WAC: variants seen among roughly 807,000 people sequenced by gnomAD.
WAC encodes the protein WW domain containing adaptor with coiled-coil.
Under a neutral mutation model 79.6 loss-of-function variants are expected in WAC, and 11 were observed. The observed-to-expected ratio is 0.14, with a 90% CI of 0.09 to 0.23. The LOEUF (loss-of-function observed/expected upper bound fraction) is 0.23. Among genes scored for constraint, WAC ranks in the 10% least tolerant of loss-of-function variants. WAC has a pLI of 1.00. For synonymous variants in WAC, 304 were observed against 276.9 expected, an observed-to-expected ratio of 1.10 and a Z score of -0.97; for missense variants, 728 against 773.5, an observed-to-expected ratio of 0.94 and a Z score of 0.70.
intron 3 of WAC, among the ~76,000 whole-genome samples, chr10:28,553,891 C>T (rs1837840837): frequency 6.6e-6 from 1 of 152,030 alleles, no homozygotes; most frequent in Non-Finnish European, 1.5e-5. Flanking sequence ...TCTTTTGAGG[C>T]AGAGTCTTGC....
intron 7 of WAC, among the ~76,000 whole-genome samples, chr10:28,607,858 A>C (rs1172532684): frequency 1.3e-5 from 2 of 152,214 alleles, no homozygotes; most frequent in Admixed American, 1.3e-4. Flanking sequence ...ATGTGTGGTT[A>C]ATAAATAATT....
At chr10:28,541,798 A>G (rs1447862445) in intron 3 of WAC, among the ~76,000 whole-genome samples, 1 of 152,078 alleles carries the variant, frequency 6.6e-6, no homozygotes, top group African/African-American at 2.4e-5. Flanking sequence ...AGTATAACTA[A>G]TTCTCACTAT....
intron 3 of WAC, among the ~76,000 whole-genome samples, chr10:28,579,335 A>T (rs1839412348): frequency 1.3e-5 from 2 of 152,250 alleles, no homozygotes; most frequent in Middle Eastern, 3.4e-3. Flanking sequence ...AATGCTGTTT[A>T]TACAGTAAAA....
rs768495870 is a variant in WAC at position 28,614,722 on chromosome 10, A to AT, written c.1556+40dup. On this transcript the variant is annotated intron_variant, in intron 11 of 13. Coordinates refer to ENST00000354911, the MANE Select transcript of WAC (RefSeq NM_016628.5). Reference sequence around the variant, plus strand: ...TTGTATATTGAGACCACATTGTTTTATTTAATGATGGTACACTGCATTGTT... The same window carrying AT: ...TTGTATATTGAGACCACATTGTTTTATTTTAATGATGGTACACTGCATTGTT... 40 of 1,477,278 alleles carry AT rather than the reference A, an allele frequency of 2.7e-5. No homozygotes were observed. The East Asian group carries it at 9.1e-4, about 33-fold the overall frequency. 91.5% of individuals were successfully genotyped at this position (1,477,278 alleles called of 1,614,324 possible).
intron 3 of WAC, among the ~76,000 whole-genome samples, chr10:28,536,787 C>T (rs928882126): frequency 2.0e-5 from 3 of 152,278 alleles, no homozygotes; most frequent in Non-Finnish European, 2.9e-5. Flanking sequence ...CAAAAGCATG[C>T]ATTAAGGAAC....
chr10:28,602,069 C>T (rs1840672908), intron 7 of WAC, among the ~76,000 whole-genome samples: 1 of 152,140 alleles, frequency 6.6e-6, no homozygotes, highest in South Asian at 2.1e-4. Context: ...AGGGTAAAAA[C>T]AATGCAAGAG....
chr10:28,590,192 A>G (rs1422287178), intron 5 of WAC, among the ~76,000 whole-genome samples: 1 of 151,740 alleles, frequency 6.6e-6, no homozygotes, highest in Non-Finnish European at 1.5e-5. Context: ...ATGCACTTGT[A>G]GTCCTAGCTA....
chr10:28,585,981 A>G (rs912654192), intron 4 of WAC, among the ~76,000 whole-genome samples: 3 of 152,320 alleles, frequency 2.0e-5, no homozygotes, highest in South Asian at 2.1e-4. Context: ...GTTGAAGACC[A>G]TTACTAGAAT....
chr10:28,546,521 AT>A (rs1292880210), intron 3 of WAC, among the ~76,000 whole-genome samples: 1 of 152,140 alleles, frequency 6.6e-6, no homozygotes, highest in Non-Finnish European at 1.5e-5. Flanking sequence ...AAGCATTCAT[AT>A]TTAATATGCA....
chr10:28,619,571 G>A lies in WAC; in HGVS notation c.1909G>A (p.Glu637Lys). The A allele has an allele frequency of 6.3e-7, 1 of 1,583,042 alleles. No homozygotes were observed. The highest frequency in any genetic ancestry group is 8.5e-7 in the Non-Finnish European group (1 of 1,171,826). The part of the protein sequence containing the change: ...LFLRQQIKEL[E>K]KLKNQNSFMV ...TTTGAGACAACAAATTAAGGAACTT[G>A]AAAAGCTAAAAAATCAGAATTCCTT... is the stretch of plus-strand genomic sequence containing the variant. Residue 637 changes from glutamate to lysine, a missense_variant, in exon 14 of 14, where the codon GAA becomes AAA. Coordinates refer to ENST00000354911, the MANE Select transcript of WAC (RefSeq NM_016628.5).
At chr10:28,554,418 G>C (rs1837868268) in intron 3 of WAC, among the ~76,000 whole-genome samples, 1 of 152,172 alleles carries the variant, frequency 6.6e-6, no homozygotes, top group Non-Finnish European at 1.5e-5. Flanking sequence ...TGTTGCTGTG[G>C]AATGGAAGGA....
chr10:28,533,948 C>T lies in WAC; in HGVS notation c.42-50C>T, dbSNP rs751029114. 1.0e-5 allele frequency: 16 copies of T among 1,601,180 alleles called. No homozygotes were observed. In the East Asian group the frequency reaches 1.4e-4, roughly 14 times the overall value. On this transcript the variant is annotated intron_variant, in intron 1 of 13. Transcript: ENST00000354911. ...GGCCCCGTTTTCTTCCTCCCCGGCC[C>T]CCCACCCGCGCCGTGTCTTATGTCG...
At chr10:28,594,936 T>C (rs1213410076) in intron 6 of WAC, among the ~76,000 whole-genome samples, 2 of 152,202 alleles carry the variant, frequency 1.3e-5, no homozygotes, top group Non-Finnish European at 2.9e-5. Flanking sequence ...AGAATTTAAA[T>C]TGATAGATTT....
In WAC at chr10:28,533,599, A is replaced by G; in HGVS notation, c.20A>G (p.Lys7Arg). MVMYAR[K>R]QQRLSDGCHD... The stretch of plus-strand genomic sequence containing the variant: ...GCATTGATGGTAATGTATGCGAGGA[A>G]ACAGCAGAGACTCAGTGATGGGTAA... Residue 7 changes from lysine (K) to arginine (R), a missense_variant, in exon 1 of 14, where the codon AAA becomes AGA. Around this residue, in one of 3 missense-constraint regions of WAC, gnomAD observed 648 missense variants for 661.5 expected, o/e 0.98. Coordinates refer to ENST00000354911, the MANE Select transcript of WAC (RefSeq NM_016628.5). 2 of 1,595,674 alleles carry G rather than the reference A, an allele frequency of 1.3e-6. No homozygotes were observed. The highest frequency in any genetic ancestry group is 1.7e-6 in the Non-Finnish European group (2 of 1,171,000).
intron 3 of WAC, among the ~76,000 whole-genome samples, chr10:28,563,029 G>A (rs1024732042): frequency 6.6e-6 from 1 of 152,046 alleles, no homozygotes; most frequent in African/African-American, 2.4e-5. Context: ...TTTGGAGTTA[G>A]GTACAAAGAA....
chr10:28,567,883 T>G (rs1838734635), intron 3 of WAC, among the ~76,000 whole-genome samples: 2 of 152,122 alleles, frequency 1.3e-5, no homozygotes, highest in East Asian at 3.9e-4. Context: ...GCCTCCCAAG[T>G]AGCTGAGACT....
chr10:28,577,523 T>C (rs1839307694), intron 3 of WAC, among the ~76,000 whole-genome samples: 1 of 152,212 alleles, frequency 6.6e-6, no homozygotes, highest in Admixed American at 6.5e-5. Context: ...TATCATGTTA[T>C]AGCAGAAAAA....
intron 8 of WAC, among the ~76,000 whole-genome samples, chr10:28,608,903 G>A (rs1219730416): frequency 6.6e-6 from 1 of 152,154 alleles, no homozygotes; most frequent in East Asian, 1.9e-4. Context: ...GAAGGGAGGA[G>A]ATAGGTACTA....
intron 3 of WAC, among the ~76,000 whole-genome samples, chr10:28,576,982 C>G (rs1027966757): frequency 6.6e-6 from 1 of 152,056 alleles, no homozygotes; most frequent in Non-Finnish European, 1.5e-5. Flanking sequence ...AATCCCAATT[C>G]CTACTAGCTG....
Sources: allele counts gnomAD v4.1 joint callset (sites outside exome capture counted in the v4.1 genomes callset), GRCh38; gene constraint gnomAD v4.1.1; regional missense constraint gnomAD v4.1.1; transcripts MANE v1.5; gene names NCBI Gene and HGNC (gene_info 2026-07-23, HGNC 2026-07-21).